IL1RAPL1: variants seen among roughly 807,000 people sequenced by gnomAD.
The protein encoded by IL1RAPL1 is interleukin-1 receptor accessory protein-like 1.
In IL1RAPL1, 3 loss-of-function variants were observed where a neutral mutation model predicts 48.4. The observed-to-expected ratio is 0.06, with a 90% CI of 0.03 to 0.16. The LOEUF is 0.16. Among genes scored for constraint, IL1RAPL1 ranks in the 10% least tolerant of loss-of-function variants. The pLI is 1.00. For missense variants in IL1RAPL1, 349 were observed against 530.6 expected (o/e 0.66, Z 3.36); for synonymous variants, 185 against 187.7 (o/e 0.99, Z 0.12).
chrX:29,712,734 G>C (rs2147121640), intron 6 of IL1RAPL1, among the ~76,000 whole-genome samples: 1 of 111,945 alleles, frequency 8.9e-6, no homozygotes, highest in African/African-American at 3.2e-5. Flanking sequence ...TAAAATATAA[G>C]AACTACTTTT....
intron 2 of IL1RAPL1, among the ~76,000 whole-genome samples, chrX:29,201,777 C>T (rs1930561295): frequency 9.1e-6 from 1 of 110,244 alleles, no homozygotes; most frequent in Non-Finnish European, 1.9e-5. Context: ...CGGCAACCTC[C>T]GCCTCGCAGG....
At chrX:29,789,405 A>G (rs1387796519) in intron 6 of IL1RAPL1, among the ~76,000 whole-genome samples, 2 of 111,577 alleles carry the variant, frequency 1.8e-5, no homozygotes, top group African/African-American at 6.5e-5. Context: ...CCCAGTTTTG[A>G]ACCCTGAACT....
intron 2 of IL1RAPL1, among the ~76,000 whole-genome samples, chrX:28,806,511 G>A (rs1034172362): frequency 1.8e-5 from 2 of 111,700 alleles, no homozygotes; most frequent in African/African-American, 6.5e-5. Flanking sequence ...AAGGAGTAAG[G>A]CATTAGCCAA....
chrX:29,821,335 A>G (rs1930611478), intron 6 of IL1RAPL1, among the ~76,000 whole-genome samples: 1 of 110,598 alleles, frequency 9.0e-6, no homozygotes, highest in Non-Finnish European at 1.9e-5. Context: ...CTGTAGTCCC[A>G]GCTACTCGGG....
At chrX:29,109,860 G>GA (rs1369515189) in intron 2 of IL1RAPL1, among the ~76,000 whole-genome samples, 1 of 111,690 alleles carries the variant, frequency 9.0e-6, no homozygotes, top group South Asian at 3.7e-4. Flanking sequence ...CAATGAGAAG[G>GA]AAAAATAATT....
At chrX:29,105,231 A>G (rs1031663884) in intron 2 of IL1RAPL1, among the ~76,000 whole-genome samples, 2 of 112,121 alleles carry the variant, frequency 1.8e-5, no homozygotes, top group Admixed American at 9.5e-5. Flanking sequence ...CAGCCAGTCA[A>G]TGAACCAAAG....
intron 5 of IL1RAPL1, among the ~76,000 whole-genome samples, chrX:29,500,781 A>T (rs185050230): frequency 9.0e-6 from 1 of 111,632 alleles, no homozygotes. Flanking sequence ...TAAACATGGA[A>T]GTGTAGATCT....
chrX:29,760,128 A>G (rs1408743898), intron 6 of IL1RAPL1, among the ~76,000 whole-genome samples: 1 of 111,857 alleles, frequency 8.9e-6, no homozygotes, highest in Non-Finnish European at 1.9e-5. Flanking sequence ...ATCCGTCTGC[A>G]CAATCATTGC....
At chrX:28,955,171 C>T (rs905354683) in intron 2 of IL1RAPL1, among the ~76,000 whole-genome samples, 4 of 111,473 alleles carry the variant, frequency 3.6e-5, no homozygotes, top group Non-Finnish European at 7.5e-5. Context: ...TAGACTCCTA[C>T]TAGCCAAAAC....
chrX:29,526,263 A>G (rs1039720243), intron 5 of IL1RAPL1, among the ~76,000 whole-genome samples: 3 of 111,867 alleles, frequency 2.7e-5, no homozygotes, highest in Non-Finnish European at 5.6e-5. Context: ...TTGATTTAAT[A>G]CACTCCAACA....
chrX:29,236,502 T>C (rs950492729), intron 2 of IL1RAPL1, among the ~76,000 whole-genome samples: 1 of 84,004 alleles, frequency 1.2e-5, no homozygotes, highest in Admixed American at 1.3e-4. Flanking sequence ...TATTCTTCTA[T>C]TCCTTCTCTT....
chrX:29,506,716 C>CT (rs367661269), intron 5 of IL1RAPL1, among the ~76,000 whole-genome samples: 3,053 of 102,228 alleles, frequency 0.03, 99 homozygotes, highest in African/African-American at 0.096. Context: ...AATTTGTTGT[C>CT]TTTTTTTTTT....
At chrX:29,183,212 C>G (rs939680574) in intron 2 of IL1RAPL1, among the ~76,000 whole-genome samples, 3 of 111,605 alleles carry the variant, frequency 2.7e-5, no homozygotes, top group African/African-American at 9.8e-5. Flanking sequence ...CCAAATATTT[C>G]TATACTGTTT....
intron 6 of IL1RAPL1, among the ~76,000 whole-genome samples, chrX:29,686,534 G>GATTGATTT (rs1926623856): frequency 1.2e-5 from 1 of 83,347 alleles, no homozygotes; most frequent in African/African-American, 4.7e-5. Flanking sequence ...CCCCCCTAAA[G>GATTGATTT]ATTTATTTAT....
chrX:29,321,442 G>A (rs1932803060), intron 3 of IL1RAPL1, among the ~76,000 whole-genome samples: 1 of 111,920 alleles, frequency 8.9e-6, no homozygotes, highest in Admixed American at 9.5e-5. Context: ...TATAAATAAT[G>A]AGCCTGTTAC....
chrX:29,253,280 G>T lies in IL1RAPL1; in HGVS notation c.83-29658G>T, dbSNP rs777298177. Reference sequence around the variant, plus strand: ...AGATTTAAACAATTTTCTGGGCATTGTATTCTCAAATGGATAGTGAGTTGA... The same window carrying T: ...AGATTTAAACAATTTTCTGGGCATTTTATTCTCAAATGGATAGTGAGTTGA... On this transcript the variant is annotated intron_variant, in intron 2 of 10. Coordinates refer to ENST00000378993, the MANE Select transcript of IL1RAPL1 (RefSeq NM_014271.4). Among the ~76,000 whole-genome samples the T allele has an allele frequency of 2.7e-5, 3 of 111,093 alleles. No homozygotes were observed. In the East Asian group the frequency reaches 8.5e-4, roughly 31 times the overall value.
At chrX:29,542,002 T>C (rs1921454800) in intron 5 of IL1RAPL1, among the ~76,000 whole-genome samples, 2 of 111,549 alleles carry the variant, frequency 1.8e-5, no homozygotes, top group African/African-American at 6.5e-5. Flanking sequence ...GGAATATATT[T>C]GCTTTTAATA....
At chrX:29,954,483 G>C (rs754150784) in intron 9 of IL1RAPL1, 39 bp from the exon 10 acceptor site, 7 of 1,092,921 alleles carry the variant, frequency 6.4e-6, no homozygotes, top group Non-Finnish European at 6.3e-6. Flanking sequence ...TATCTTTGTA[G>C]AGTAGTGACT....
intron 1 of IL1RAPL1, among the ~76,000 whole-genome samples, chrX:28,645,240 G>A (rs1203604780): frequency 9.4e-6 from 1 of 106,020 alleles, no homozygotes; most frequent in East Asian, 3.0e-4. Context: ...CCAGCTACTC[G>A]GGAGGCTGAG....
Sources: allele counts gnomAD v4.1 joint callset (sites outside exome capture counted in the v4.1 genomes callset), GRCh38; gene constraint gnomAD v4.1.1; transcripts MANE v1.5; gene names NCBI Gene and HGNC (gene_info 2026-07-23, HGNC 2026-07-21).